DLG1: variants seen among roughly 807,000 people sequenced by gnomAD.
DLG1 encodes the protein disks large homolog 1.
Under a neutral mutation model 123.4 loss-of-function variants are expected in DLG1, and 42 were observed. That is an observed-to-expected ratio of 0.34 (90% confidence interval 0.27 to 0.44). DLG1 has a LOEUF of 0.44. DLG1 is among the 20% of genes least tolerant of loss of function. DLG1 has a pLI of 1.00. For missense variants in DLG1, 942 were observed against 1,082.6 expected (o/e 0.87, Z 1.82); for synonymous variants, 317 against 356.2 (o/e 0.89, Z 1.24).
At chr3:197,285,995 T>C (rs944649288) in intron 3 of DLG1, among the ~76,000 whole-genome samples, 2 of 152,144 alleles carry the variant, frequency 1.3e-5, no homozygotes, top group South Asian at 2.1e-4. Context: ...AACAGGTGAG[T>C]AGATAAACTG....
At position 197,204,686 on chromosome 3, in the gene DLG1, A is replaced by G. The variant is rs144015942; in HGVS notation, c.319-10097T>C. Among the ~76,000 whole-genome samples, 680 of 152,322 alleles carry G rather than the reference A, an allele frequency of 4.5e-3. 12 individuals are homozygous for G. The highest frequency in any genetic ancestry group is 0.034 in the Admixed American group (522 of 15,304). ...ACAACAAAAATAATACAAATAAAGAACAATGCAGTGTAACAACTATTTACG... is the reference window on the plus strand; with the variant it reads ...ACAACAAAAATAATACAAATAAAGAGCAATGCAGTGTAACAACTATTTACG... On this transcript the variant is annotated intron_variant, in intron 4 of 24. Coordinates refer to ENST00000667157, the MANE Select transcript of DLG1 (RefSeq NM_001366207.1).
intron 4 of DLG1, among the ~76,000 whole-genome samples, chr3:197,197,103 A>T (rs1722934715): frequency 6.6e-6 from 1 of 152,180 alleles, no homozygotes; most frequent in South Asian, 2.1e-4. Flanking sequence ...ATAATTATGG[A>T]AAAACTCAAG....
At chr3:197,290,760 T>A (rs1248793887) in intron 3 of DLG1, among the ~76,000 whole-genome samples, 2 of 151,698 alleles carry the variant, frequency 1.3e-5, no homozygotes, top group African/African-American at 4.8e-5. Context: ...TAGCCAGGCG[T>A]GGGGGCTCAC....
In DLG1 at chr3:197,115,790, T is replaced by G. The variant is rs1772959497; in HGVS notation, c.1443+137A>C. On this transcript the variant is annotated intron_variant, in intron 13 of 24. Coordinates refer to ENST00000667157, the MANE Select transcript of DLG1 (RefSeq NM_001366207.1). The stretch of plus-strand genomic sequence containing the variant: ...AATATGTTCTCTGACACTACAATTC[T>G]ACAATTAAGCTGTAAAATGTTAAGA... 3.6e-6 allele frequency: 3 copies of G among 831,400 alleles called. No homozygotes were observed. The Admixed American group carries it at 9.6e-5, about 27-fold the overall frequency. 51.5% of individuals were successfully genotyped at this position (831,400 alleles called of 1,614,324 possible).
At chr3:197,171,981 C>T (rs1000274830) in intron 5 of DLG1, among the ~76,000 whole-genome samples, 1 of 152,088 alleles carries the variant, frequency 6.6e-6, no homozygotes, top group Admixed American at 6.5e-5. Flanking sequence ...GGATTCAGGT[C>T]CCTGTTATCA....
intron 5 of DLG1, among the ~76,000 whole-genome samples, chr3:197,175,247 CTAT>C (rs1179755838): frequency 6.6e-6 from 1 of 152,114 alleles, no homozygotes; most frequent in Non-Finnish European, 1.5e-5. Flanking sequence ...GTCTGAACAA[CTAT>C]TTTTACCTTT....
chr3:197,071,793 A>T (rs1744112696), intron 18 of DLG1, among the ~76,000 whole-genome samples: 2 of 152,230 alleles, frequency 1.3e-5, no homozygotes, highest in Non-Finnish European at 2.9e-5. Flanking sequence ...AGACATGTCA[A>T]GCATCGATAA....
At chr3:197,055,372 C>T (rs181974561) in intron 23 of DLG1, among the ~76,000 whole-genome samples, 5 of 152,198 alleles carry the variant, frequency 3.3e-5, no homozygotes, top group Admixed American at 3.3e-4. Context: ...GTTTATTTTT[C>T]CTTTGAATGG....
intron 4 of DLG1, among the ~76,000 whole-genome samples, chr3:197,198,593 G>C (rs1475079010): frequency 6.6e-6 from 1 of 151,414 alleles, no homozygotes. Flanking sequence ...TCAACAAGAA[G>C]ATGAGTCAAT....
In DLG1 at chr3:197,070,565, A is replaced by ATTTTTTTTTTTTTTTTTTTTTTT. The variant is rs57981766; in HGVS notation, c.2006-1306_2006-1305insAAAAAAAAAAAAAAAAAAAAAAA. ...ATCACCACACCCAGCTGGAAATTTCATTTTTTTTTTTTTTTTTTTTTTGAG... is the reference window on the plus strand; with the variant it reads ...ATCACCACACCCAGCTGGAAATTTCATTTTTTTTTTTTTTTTTTTTTTTTTTTTTTTTTTTTTTTTTTTTTGAG... On this transcript the variant is annotated intron_variant, in intron 18 of 24. Coordinates refer to ENST00000667157, the MANE Select transcript of DLG1 (RefSeq NM_001366207.1). 7.3e-4 allele frequency: 56 copies of ATTTTTTTTTTTTTTTTTTTTTTT among 76,202 alleles called. 1 individual carries two copies. The highest frequency in any genetic ancestry group is 1.2e-3 in the Admixed American group (8 of 6,418). The allele number at this position is 76,202 out of a possible 1,614,324, so 4.7% of individuals were successfully genotyped here.
chr3:197,175,348 A>G (rs927979318), intron 5 of DLG1, among the ~76,000 whole-genome samples: 2 of 152,350 alleles, frequency 1.3e-5, no homozygotes, highest in African/African-American at 4.8e-5. Flanking sequence ...ATAATTTAAG[A>G]AAATTTATTT....
chr3:197,269,430 G>A (rs765769468), intron 4 of DLG1, among the ~76,000 whole-genome samples: 2 of 151,998 alleles, frequency 1.3e-5, no homozygotes, highest in Non-Finnish European at 2.9e-5. Flanking sequence ...AAAAATAAAC[G>A]TTGCCTGTTA....
intron 23 of DLG1, among the ~76,000 whole-genome samples, chr3:197,054,925 C>T (rs971664548): frequency 6.6e-6 from 1 of 152,088 alleles, no homozygotes; most frequent in African/African-American, 2.4e-5. Flanking sequence ...AAGCGATTCT[C>T]GTGCCTCAGC....
chr3:197,226,031 GCTGA>G (rs58757218), intron 4 of DLG1: 24,439 of 152,376 alleles, frequency 0.16, 2,305 homozygotes, highest in South Asian at 0.38. Flanking sequence ...CATGTTGTTT[GCTGA>G]CTGTCTTGAA....
chr3:197,213,655 G>C (rs1732468791), intron 4 of DLG1, among the ~76,000 whole-genome samples: 1 of 152,042 alleles, frequency 6.6e-6, no homozygotes, highest in Admixed American at 6.6e-5. Flanking sequence ...ACAAAAATGA[G>C]AACTTGAATT....
At chr3:197,268,361 T>C (rs1762544836) in intron 4 of DLG1, among the ~76,000 whole-genome samples, 1 of 152,184 alleles carries the variant, frequency 6.6e-6, no homozygotes, top group South Asian at 2.1e-4. Flanking sequence ...TTTGCTGAGT[T>C]TTCTCCTAGA....
intron 4 of DLG1, among the ~76,000 whole-genome samples, chr3:197,195,756 T>A (rs1722148261): frequency 6.6e-6 from 1 of 151,708 alleles, no homozygotes; most frequent in African/African-American, 2.4e-5. Flanking sequence ...GGGTGTGGGG[T>A]GGATGGCTAC....
In DLG1 at chr3:197,138,274, C is replaced by T; in HGVS notation, c.831G>A (p.Arg277=). The T allele has an allele frequency of 6.2e-7, 1 of 1,603,420 alleles. No homozygotes were observed. The highest frequency in any genetic ancestry group is 8.5e-7 in the Non-Finnish European group (1 of 1,173,042). ...GSIVRLYVKR[R]KPVSEKIMEI... is the part of the protein sequence containing the mutation. ...CCATTATTTTTTCTGACACTGGTTTCCTTCTTTTTACATACAAGCGTACAA... is the reference window on the plus strand; with the variant it reads ...CCATTATTTTTTCTGACACTGGTTTTCTTCTTTTTACATACAAGCGTACAA... Residue 277 remains arginine, a synonymous_variant, in exon 9 of 25, where the codon AGG becomes AGA. Transcript: ENST00000667157.
intron 13 of DLG1, among the ~76,000 whole-genome samples, chr3:197,115,689 TA>T (rs1275764837): frequency 6.6e-6 from 1 of 152,084 alleles, no homozygotes; most frequent in Admixed American, 6.6e-5. Flanking sequence ...TTCCAGTCAA[TA>T]AATAGAGAAC....
Sources: allele counts gnomAD v4.1 joint callset (sites outside exome capture counted in the v4.1 genomes callset), GRCh38; gene constraint gnomAD v4.1.1; transcripts MANE v1.5; gene names NCBI Gene and HGNC (gene_info 2026-07-23, HGNC 2026-07-21).